Variants in GBF1 observed in about 807,000 individuals in gnomAD.
GBF1 encodes Golgi-specific brefeldin A-resistance guanine nucleotide exchange factor 1.
GBF1 carries 114 observed loss-of-function variants against 210.5 expected under a neutral mutation model. The ratio of observed to expected loss-of-function variants is 0.54; its 90% CI spans 0.47 to 0.63. The LOEUF (loss-of-function observed/expected upper bound fraction) is 0.63, where lower values mean the gene tolerates loss of function less well. GBF1 is among the 30% of genes least tolerant of loss of function. The pLI is 0.00. For synonymous variants in GBF1, 850 were observed against 889.2 expected, an observed-to-expected ratio of 0.96 and a Z score of 0.78; for missense variants, 1,851 against 2,357.7, an observed-to-expected ratio of 0.79 and a Z score of 4.45.
intron 3 of GBF1, among the ~76,000 whole-genome samples, chr10:102,304,007 AAGGCAT>A (rs570996293): frequency 9.2e-5 from 14 of 152,162 alleles, no homozygotes; most frequent in Non-Finnish European, 2.1e-4. Flanking sequence ...TTTTACTCCA[AAGGCAT>A]TGCCTTTAGA....
chr10:102,263,848 A>G (rs1409505607), intron 3 of GBF1, among the ~76,000 whole-genome samples: 3 of 152,178 alleles, frequency 2.0e-5, no homozygotes, highest in Non-Finnish European at 4.4e-5. Flanking sequence ...CCAAGAGCAA[A>G]GTTTGCATAC....
chr10:102,270,334 T>C (rs2074281949), intron 3 of GBF1, among the ~76,000 whole-genome samples: 1 of 151,938 alleles, frequency 6.6e-6, no homozygotes, highest in South Asian at 2.1e-4. Flanking sequence ...CACGCCCAGC[T>C]AATTTTTGTA....
In GBF1 at chr10:102,370,156, C is replaced by T. The variant is rs374053025; in HGVS notation, c.3340-18C>T. On this transcript the variant is annotated intron_variant, in intron 26 of 39. Coordinates refer to ENST00000369983, the MANE Select transcript of GBF1 (RefSeq NM_001377137.1). The stretch of plus-strand genomic sequence containing the variant: ...TCAGCCTTTGTCAAAGACCCCCTCT[C>T]TCTTTTGCCCTCTCTAGCAATGTGA... 1.3e-6 allele frequency: 2 copies of T among 1,598,522 alleles called. No homozygotes were observed. The highest frequency in any genetic ancestry group is 1.7e-6 in the Non-Finnish European group (2 of 1,165,776).
At chr10:102,370,961 C>T in intron 29 of GBF1, 101 bp downstream of exon 29, 1 of 1,152,516 alleles carries the variant, frequency 8.7e-7, no homozygotes, top group Admixed American at 2.1e-5. Flanking sequence ...CATTTAGTGC[C>T]CCATAGCATG....
the GBF1 span, among the ~76,000 whole-genome samples, chr10:102,235,436 C>T: frequency 1.3e-5 from 2 of 152,110 alleles, no homozygotes; most frequent in Admixed American, 6.5e-5. Context: ...GATCTAGATT[C>T]ACGTCCTGGC....
chr10:102,245,980 G>A (rs1344073256), intron 1 of GBF1, among the ~76,000 whole-genome samples, 199 bp downstream of exon 1: 1 of 152,232 alleles, frequency 6.6e-6, no homozygotes, highest in Non-Finnish European at 1.5e-5. Flanking sequence ...CTCTGCCGCA[G>A]GAGGGGCGAT....
At chr10:102,328,348 T>A (rs1342239514) in intron 3 of GBF1, among the ~76,000 whole-genome samples, 1 of 152,018 alleles carries the variant, frequency 6.6e-6, no homozygotes, top group Non-Finnish European at 1.5e-5. Flanking sequence ...AAATTTTTTT[T>A]AATTAGCCAA....
At chr10:102,335,845 C>A (rs1026899900) in intron 3 of GBF1, among the ~76,000 whole-genome samples, 1 of 152,088 alleles carries the variant, frequency 6.6e-6, no homozygotes, top group Non-Finnish European at 1.5e-5. Flanking sequence ...TTCTCTGATA[C>A]CTTGGAGAAA....
chr10:102,252,117 A>G (rs1216756864), intron 1 of GBF1, among the ~76,000 whole-genome samples: 3 of 152,102 alleles, frequency 2.0e-5, no homozygotes, highest in Non-Finnish European at 2.9e-5. Flanking sequence ...AGGTGGGCAG[A>G]TCACCTGAGG....
At chr10:102,343,553 C>T (rs942503685) in intron 3 of GBF1, among the ~76,000 whole-genome samples, 6 of 152,070 alleles carry the variant, frequency 3.9e-5, no homozygotes, top group South Asian at 2.1e-4. Flanking sequence ...CACGGTGGCT[C>T]GCGCCTGTAA....
At chr10:102,293,239 C>CA (rs2076587279) in intron 3 of GBF1, among the ~76,000 whole-genome samples, 1 of 152,050 alleles carries the variant, frequency 6.6e-6, no homozygotes, top group South Asian at 2.1e-4. Context: ...AAATTCCTAT[C>CA]ACTTAGTGAT....
intron 4 of GBF1, among the ~76,000 whole-genome samples, chr10:102,348,323 C>A (rs1248345843): frequency 6.6e-6 from 1 of 152,144 alleles, no homozygotes. Context: ...GAGCTTAAAC[C>A]CCATTAATGG....
In GBF1 at chr10:102,360,212, C is replaced by T. The variant is rs1483480757; in HGVS notation, c.1209C>T (p.Pro403=). ...CAGCTTTGGTCCCCTATGGTCTTCC[C>T]TGCATCCGCGAGCTCTTCCGCTTCC... is the stretch of plus-strand genomic sequence containing the variant. ...EGTALVPYGL[P]CIRELFRFLI... Residue 403 remains proline, a synonymous_variant, in exon 12 of 40, where the codon CCC becomes CCT. Transcript: ENST00000369983. 2 of 1,613,870 alleles carry T rather than the reference C, an allele frequency of 1.2e-6. No homozygotes were observed. The highest frequency in any genetic ancestry group is 1.7e-5 in the Admixed American group (1 of 60,014).
rs1033363887 is a variant in GBF1 at position 102,317,711 on chromosome 10, C to T, written c.164-26340C>T. ...TATTATTTTATCTTTTTTTAGCGCA[C>T]GCAAACACAATATCACCCTTAGCAA... On this transcript the variant is annotated intron_variant, in intron 3 of 39. Transcript: ENST00000369983. Among the ~76,000 whole-genome samples, 7 of 152,224 alleles carry T rather than the reference C, an allele frequency of 4.6e-5. No homozygotes were observed. In the East Asian group the frequency reaches 5.8e-4, roughly 13 times the overall value.
rs869198412 is a variant in GBF1 at position 102,331,851 on chromosome 10, ATTTTTTTTT to A, written c.164-12182_164-12174del. 5.2e-4 allele frequency among the ~76,000 whole-genome samples: 44 copies of A among 85,344 alleles called. 2 individuals carry two copies. The highest frequency in any genetic ancestry group is 1.4e-3 in the South Asian group (3 of 2,080). The allele number at this position is 85,344 out of a possible 152,430, so 56.0% of individuals were successfully genotyped here. ...AGGCGCACGCCACCATACCTGGCTA[ATTTTTTTTT>A]TTTTTTTTTTTTTTTTTGAGACAGC... On this transcript the variant is annotated intron_variant, in intron 3 of 39. Coordinates refer to ENST00000369983, the MANE Select transcript of GBF1 (RefSeq NM_001377137.1).
intron 3 of GBF1, among the ~76,000 whole-genome samples, chr10:102,269,645 T>C (rs2074203690): frequency 6.6e-6 from 1 of 152,098 alleles, no homozygotes; most frequent in Admixed American, 6.5e-5. Flanking sequence ...AAGTGAGTTA[T>C]TGTAAGAAAA....
intron 3 of GBF1, among the ~76,000 whole-genome samples, chr10:102,280,130 AAGAGAG>A (rs57985048): frequency 1.8e-3 from 266 of 150,120 alleles, no homozygotes; most frequent in Non-Finnish European, 2.7e-3. Context: ...CTTAAAAAAA[AAGAGAG>A]AGAGAGAGAG....
At chr10:102,232,138 T>G in the GBF1 span, 1 of 1,097,182 alleles carries the variant, frequency 9.1e-7, no homozygotes, top group Non-Finnish European at 1.4e-6. Flanking sequence ...GGGTAAAATC[T>G]CCGGCTTAGC....
Position 102,363,477 on chromosome 10 carries a change from G to A in GBF1, c.2017+81G>A. On this transcript the variant is annotated intron_variant, in intron 16 of 39. Coordinates refer to ENST00000369983, the MANE Select transcript of GBF1 (RefSeq NM_001377137.1). The surrounding 1 kb of genome is among the most constrained non-coding windows in gnomAD (Gnocchi z 4.2). ...GCAGAGGGAGGGAGCAGACACCTAG[G>A]ATAGTAACTAAGCAAGCCTTGGTAG... 3.7e-6 allele frequency: 5 copies of A among 1,344,022 alleles called. No individual in the cohort carries two copies. In the South Asian group the frequency reaches 6.7e-5, roughly 18 times the overall value. The allele number at this position is 1,344,022 out of a possible 1,614,324, so 83.3% of individuals were successfully genotyped here.
Sources: gnomAD v4.1 joint callset for allele counts (sites outside exome capture counted in the v4.1 genomes callset) on GRCh38, gnomAD v4.1.1 for gene constraint, Gnocchi (gnomAD v3.1) non-coding constraint, MANE v1.5 for transcripts, NCBI Gene and HGNC (gene_info 2026-07-23, HGNC 2026-07-21) for gene names.